Variants in GZMB observed in about 807,000 individuals in gnomAD.
GZMB encodes the protein T-cell serine protease 1-3E.
GZMB carries 27 observed loss-of-function variants against 24.2 expected under a neutral mutation model. The ratio of observed to expected loss-of-function variants is 1.12; its 90% CI spans 0.82 to 1.54. The LOEUF (loss-of-function observed/expected upper bound fraction) is 1.54, where lower values mean the gene tolerates loss of function less well. Ranked by LOEUF, GZMB falls within the 40% of genes most tolerant of loss-of-function variation. The pLI, the probability that GZMB is intolerant of heterozygous loss-of-function variation, is 0.00. For missense variants in GZMB, 336 were observed against 310.1 expected (o/e 1.08, Z -0.63); for synonymous variants, 121 against 115.1 (o/e 1.05, Z -0.33).
Position 24,630,992 on chromosome 14 carries a change from C to A in GZMB, c.*79G>T. On this transcript the variant is annotated 3_prime_UTR_variant, in exon 5 of 5. Transcript: ENST00000216341. ...TAAGAGGTATTTATTCAGTTGCTGG[C>A]ACCTCTCCCAGTGTAAATCTGGACT... is the stretch of plus-strand genomic sequence containing the variant. 2 of 1,073,976 alleles carry A rather than the reference C, an allele frequency of 1.9e-6. No individual in the cohort carries two copies. Among genetic ancestry groups the A allele is most frequent in the South Asian group, 1.3e-5 (1 of 75,402 alleles). The allele number at this position is 1,073,976 out of a possible 1,614,324, so 66.5% of individuals were successfully genotyped here.
At chr14:24,632,202 T>G (rs1371945697) in intron 3 of GZMB, 84 bp from the exon 4 acceptor site, 1 of 1,542,696 alleles carries the variant, frequency 6.5e-7, no homozygotes. Flanking sequence ...CAATCTTCCC[T>G]CTCCTCTGAG....
chr14:24,632,859 G>T (rs2067010429), intron 2 of GZMB, 56 bp downstream of exon 2: 1 of 1,546,504 alleles, frequency 6.5e-7, no homozygotes, highest in Non-Finnish European at 8.9e-7. Context: ...TGGGAAGAAG[G>T]CAGGGGTCTC....
intron 1 of GZMB, chr14:24,633,853 G>A (rs2067019301): frequency 8.9e-6 from 5 of 562,956 alleles, no homozygotes; most frequent in Admixed American, 6.0e-5. Context: ...TTTACTTCTA[G>A]GAAAGTCCTA....
rs763963542 is a variant in GZMB at position 24,631,153 on chromosome 14, C to T, written c.662G>A (p.Arg221Gln). Residue 221 changes from arginine (R) to glutamine (Q), a missense_variant, in exon 5 of 5, where the codon CGA becomes CAA. Coordinates refer to ENST00000216341, the MANE Select transcript of GZMB (RefSeq NM_004131.6). ...GGCTCGTGGAGGCATGCCATTGTTT[C>T]GTCCATAGGAGACAATGCCCTGGGC... ...KVAQGIVSYG[R>Q]NNGMPPRACT... is the part of the protein sequence containing the mutation. 56 of 1,612,846 alleles carry T rather than the reference C, an allele frequency of 3.5e-5. No homozygotes were observed. Among genetic ancestry groups the T allele is most frequent in the East Asian group, 6.7e-5 (3 of 44,890 alleles).
intron 1 of GZMB, 97 bp from the exon 2 acceptor site, chr14:24,633,159 G>A: frequency 1.3e-6 from 2 of 1,493,194 alleles, no homozygotes; most frequent in Non-Finnish European, 1.8e-6. Context: ...TGGGAGCCTG[G>A]GATAGCCTGG....
rs368330741 is a variant in GZMB at position 24,633,420 on chromosome 14, G to GTACT, written c.56-359_56-358insAGTA. ...CTGCTTTCTAATGGCCAGGGTGTAA[G>GTACT]TGGAGGGATCTAGATACTGTCATAT... On this transcript the variant is annotated intron_variant, in intron 1 of 4. Coordinates refer to ENST00000216341, the MANE Select transcript of GZMB (RefSeq NM_004131.6). The GTACT allele has an allele frequency of 1.7e-3, 597 of 351,316 alleles. 3 individuals are homozygous for GTACT. Among genetic ancestry groups the GTACT allele is most frequent in the African/African-American group, 0.012 (556 of 45,428 alleles). The allele number at this position is 351,316 out of a possible 1,614,324, so 21.8% of individuals were successfully genotyped here.
In GZMB at chr14:24,631,134, T is replaced by A; in HGVS notation, c.681A>T (p.Pro227=). 6.2e-7 allele frequency: 1 copy of A among 1,612,754 alleles called. No homozygotes were observed. The highest frequency in any genetic ancestry group is 1.1e-5 in the South Asian group (1 of 91,048). The change falls in exon 5 of 5, where the codon CCA becomes CCT. Residue 227 remains proline (P), a synonymous_variant. Coordinates refer to ENST00000216341, the MANE Select transcript of GZMB (RefSeq NM_004131.6). The stretch of plus-strand genomic sequence containing the variant: ...AGCTTGAGACTTTGGTGCAGGCTCG[T>A]GGAGGCATGCCATTGTTTCGTCCAT... ...VSYGRNNGMP[P]RACTKVSSFV...
At chr14:24,632,576 G>A (rs946753492) in intron 2 of GZMB, 117 bp from the exon 3 acceptor site, 1 of 1,515,250 alleles carries the variant, frequency 6.6e-7, no homozygotes, top group African/African-American at 1.4e-5. Context: ...TAAGGGGACA[G>A]TCGGTCCCCA....
At chr14:24,632,763 CCT>C (rs1566570271) in intron 2 of GZMB, 150 bp downstream of exon 2, 1 of 876,072 alleles carries the variant, frequency 1.1e-6, no homozygotes. Flanking sequence ...CCAACCTTCC[CCT>C]CTCTCCACAA....
intron 2 of GZMB, 33 bp downstream of exon 2, chr14:24,632,882 C>G (rs753057742): frequency 6.2e-7 from 1 of 1,600,186 alleles, no homozygotes; most frequent in Non-Finnish European, 8.5e-7. Context: ...TGGAGTGTTT[C>G]CAGGAGGGTG....
intron 2 of GZMB, 166 bp downstream of exon 2, chr14:24,632,748 TG>T (rs1179375887): frequency 2.4e-6 from 2 of 839,892 alleles, no homozygotes; most frequent in South Asian, 1.4e-5. Flanking sequence ...GCAGCACCTC[TG>T]GAACCAACCT....
chr14:24,633,254 T>A, intron 1 of GZMB, 192 bp from the exon 2 acceptor site: 2 of 985,170 alleles, frequency 2.0e-6, no homozygotes, highest in Non-Finnish European at 2.4e-6. Context: ...TAAATCTTTC[T>A]TCCATATGTA....
chr14:24,631,155 T>C lies in GZMB; in HGVS notation c.660A>G (p.Gly220=). 1 of 1,613,296 alleles carries C rather than the reference T, an allele frequency of 6.2e-7. No homozygotes were observed. ...CTCGTGGAGGCATGCCATTGTTTCG[T>C]CCATAGGAGACAATGCCCTGGGCCA... is the stretch of plus-strand genomic sequence containing the variant. ...NKVAQGIVSY[G]RNNGMPPRAC... The change falls in exon 5 of 5, where the codon GGA becomes GGG. Residue 220 remains glycine, a synonymous_variant. Coordinates refer to ENST00000216341, the MANE Select transcript of GZMB (RefSeq NM_004131.6).
At position 24,631,561 on chromosome 14, in the gene GZMB, C is replaced by G. The variant is rs112273185; in HGVS notation, c.600+297G>C. ...TTGGGTACCAGCCTCTGAAGACACA[C>G]CTGGTTATAATTACTGCACCCCCAG... On this transcript the variant is annotated intron_variant, in intron 4 of 4. Transcript: ENST00000216341. 22 of 553,194 alleles carry G rather than the reference C, an allele frequency of 4.0e-5. No homozygotes were observed. The East Asian group carries it at 6.0e-4, about 15-fold the overall frequency. The allele number at this position is 553,194 out of a possible 1,614,324, so 34.3% of individuals were successfully genotyped here. A position where few individuals can be genotyped will look rare whatever the true frequency, so the allele number is the denominator to read the frequency against.
At position 24,633,003 on chromosome 14, in the gene GZMB, T is replaced by C; in HGVS notation, c.115A>G (p.Met39Val). Residue 39 changes from methionine to valine, a missense_variant, in exon 2 of 5, where the codon ATG (methionine) becomes GTG (valine). Met to Val is a conservative substitution (Grantham distance 21). Transcript: ENST00000216341. Reference protein sequence around the residue: ...PHSRPYMAYLMIWDQKSLKRC... With the variant: ...PHSRPYMAYLVIWDQKSLKRC... The stretch of plus-strand genomic sequence containing the variant: ...TTCAGAGACTTCTGATCCCAGATCA[T>C]AAGATAAGCCATGTAGGGGCGGGAG... 6.2e-7 allele frequency: 1 copy of C among 1,613,778 alleles called. No homozygotes were observed.
chr14:24,633,670 AC>A (rs1253792668), intron 1 of GZMB, among the ~76,000 whole-genome samples: 1 of 152,196 alleles, frequency 6.6e-6, no homozygotes, highest in Non-Finnish European at 1.5e-5. Flanking sequence ...CTGAGCAAAC[AC>A]ATTAACAGTG....
chr14:24,632,412 G>A lies in GZMB; in HGVS notation c.251C>T (p.Pro84Leu), dbSNP rs1031484813. ...TTTCACAGGGATAAACTGCTGGGTC[G>A]GCTCCTGTTCTTTGATATTGTGGGC... ...LGAHNIKEQE[P>L]TQQFIPVKRP... The change falls in exon 3 of 5, where the codon CCG (proline) becomes CTG (leucine). Residue 84 changes from proline (P) to leucine (L), a missense_variant. Coordinates refer to ENST00000216341, the MANE Select transcript of GZMB (RefSeq NM_004131.6). 8 of 1,613,416 alleles carry A rather than the reference G, an allele frequency of 5.0e-6. No individual in the cohort carries two copies. The highest frequency in any genetic ancestry group is 1.7e-4 in the Middle Eastern group (1 of 5,976).
intron 4 of GZMB, 71 bp downstream of exon 4, chr14:24,631,787 G>A (rs1236859170): frequency 1.6e-6 from 2 of 1,270,034 alleles, no homozygotes; most frequent in Non-Finnish European, 2.3e-6. Context: ...CACTACTTGA[G>A]TCTCCAGGTC....
intron 1 of GZMB, 23 bp downstream of exon 1, chr14:24,634,083 C>A: frequency 1.3e-6 from 2 of 1,580,718 alleles, no homozygotes; most frequent in East Asian, 2.3e-5. Flanking sequence ...GTTGGGCCCC[C>A]GAGGGTGGAG....
Sources: gnomAD v4.1 joint callset for allele counts (sites outside exome capture counted in the v4.1 genomes callset) on GRCh38, gnomAD v4.1.1 for gene constraint, MANE v1.5 for transcripts, NCBI Gene and HGNC (gene_info 2026-07-23, HGNC 2026-07-21) for gene names.